SLC25A13: variants seen among roughly 807,000 people sequenced by gnomAD.
SLC25A13 encodes the protein solute carrier family 25 member 13.
A neutral mutation model predicts 85.5 loss-of-function variants in SLC25A13; 70 were observed. The ratio of observed to expected loss-of-function variants is 0.82; its 90% confidence interval spans 0.68 to 1.00. The LOEUF is 1.00. Ranked by LOEUF, SLC25A13 falls within the 50% of genes least tolerant of loss-of-function variation. SLC25A13 has a pLI of 0.00. For missense variants in SLC25A13, 765 were observed against 819.8 expected (o/e 0.93, Z 0.82); for synonymous variants, 259 against 288.7 (o/e 0.90, Z 1.04).
intron 4 of SLC25A13, among the ~76,000 whole-genome samples, chr7:96,214,305 C>T (rs1795805233): frequency 6.6e-6 from 1 of 151,976 alleles, no homozygotes; most frequent in Non-Finnish European, 1.5e-5. Flanking sequence ...CAGAAAAGTC[C>T]TAAGAAATCA....
chr7:96,290,724 G>A (rs1314733289), intron 2 of SLC25A13, among the ~76,000 whole-genome samples: 1 of 152,038 alleles, frequency 6.6e-6, no homozygotes, highest in African/African-American at 2.4e-5. Flanking sequence ...AACAAGAAGA[G>A]CTAACTATTC....
chr7:96,273,361 G>A (rs1197392700), intron 3 of SLC25A13, among the ~76,000 whole-genome samples: 2 of 152,216 alleles, frequency 1.3e-5, no homozygotes, highest in Non-Finnish European at 2.9e-5. Context: ...AGCCATTTGA[G>A]GTTGGGAAGG....
chr7:96,241,075 A>AAAGAAAGG (rs1796972779), intron 3 of SLC25A13, among the ~76,000 whole-genome samples: 1 of 150,118 alleles, frequency 6.7e-6, no homozygotes. Context: ...AGAAAGAAAG[A>AAAGAAAGG]AAGAAAGAAA....
chr7:96,297,782 A>G (rs972238927), intron 1 of SLC25A13, among the ~76,000 whole-genome samples: 1 of 152,220 alleles, frequency 6.6e-6, no homozygotes, highest in Non-Finnish European at 1.5e-5. Flanking sequence ...TCAGTTTTTA[A>G]TTAATAAATC....
rs368652284 is a variant in SLC25A13 at position 96,229,096 on chromosome 7, C to T, written c.328+5706G>A. On this transcript the variant is annotated intron_variant, in intron 4 of 17. Coordinates refer to ENST00000265631, the MANE Select transcript of SLC25A13 (RefSeq NM_014251.3). Reference sequence around the variant, plus strand: ...CCACCCAAGGGCTGAGGAGTGCAGGCGCATGGCGTGGGACTGATGGGCAGC... The same window carrying T: ...CCACCCAAGGGCTGAGGAGTGCAGGTGCATGGCGTGGGACTGATGGGCAGC... Among the ~76,000 whole-genome samples, 62 of 152,320 alleles carry T rather than the reference C, an allele frequency of 4.1e-4. No homozygotes were observed. In the East Asian group the frequency reaches 0.011, roughly 28 times the overall value.
At chr7:96,320,051 C>T (rs1192609602) in intron 1 of SLC25A13, among the ~76,000 whole-genome samples, 1 of 152,212 alleles carries the variant, frequency 6.6e-6, no homozygotes, top group Admixed American at 6.5e-5. Flanking sequence ...GTTGCCCAGA[C>T]TGGAGTGCAA....
At position 96,146,597 on chromosome 7, in the gene SLC25A13, G is replaced by A. The variant is rs1379185703; in HGVS notation, c.1411C>T (p.Leu471=). ...AACCCCAGGTCCCGCACGACAGACA[G>A]AGCACTGACTCGAGGACCAGTGGTG... ...EITTGPRVSA[L]SVVRDLGFFG... is the part of the protein sequence containing the mutation. Residue 471 remains leucine (L), a synonymous_variant, in exon 14 of 18, where the codon CTG becomes TTG. Coordinates refer to ENST00000265631, the MANE Select transcript of SLC25A13 (RefSeq NM_014251.3). The A allele has an allele frequency of 4.3e-6, 7 of 1,613,502 alleles. No homozygotes were observed. The highest frequency in any genetic ancestry group is 5.1e-6 in the Non-Finnish European group (6 of 1,179,962).
intron 14 of SLC25A13, among the ~76,000 whole-genome samples, chr7:96,139,997 C>G (rs1340445798): frequency 1.7e-5 from 2 of 120,566 alleles, no homozygotes; most frequent in East Asian, 4.9e-4. Flanking sequence ...CTCGCTCTGT[C>G]GCCCAGGCTG....
chr7:96,212,046 G>A (rs933563273), intron 4 of SLC25A13, among the ~76,000 whole-genome samples: 1 of 152,160 alleles, frequency 6.6e-6, no homozygotes, highest in African/African-American at 2.4e-5. Context: ...AGGTAGAGAA[G>A]ACTCTCCAGA....
intron 4 of SLC25A13, among the ~76,000 whole-genome samples, chr7:96,212,547 G>A (rs1182576051): frequency 6.6e-6 from 1 of 152,190 alleles, no homozygotes; most frequent in Non-Finnish European, 1.5e-5. Context: ...CCTGAAAGGT[G>A]TCAAGGATTT....
intron 4 of SLC25A13, among the ~76,000 whole-genome samples, chr7:96,233,445 A>G (rs1796631552): frequency 6.6e-6 from 1 of 152,230 alleles, no homozygotes; most frequent in Admixed American, 6.5e-5. Context: ...GGATCTGTAA[A>G]TATTAAATAA....
chr7:96,234,263 C>CCA (rs1379475781), intron 4 of SLC25A13, among the ~76,000 whole-genome samples: 2 of 152,182 alleles, frequency 1.3e-5, no homozygotes, highest in Non-Finnish European at 2.9e-5. Flanking sequence ...ATAAAGAAGG[C>CCA]CACAGGAGAG....
chr7:96,311,851 T>C (rs1047947344), intron 1 of SLC25A13, among the ~76,000 whole-genome samples: 16 of 152,162 alleles, frequency 1.1e-4, no homozygotes, highest in African/African-American at 3.9e-4. Flanking sequence ...GACCTCTATG[T>C]TAAACAAACA....
At chr7:96,231,997 T>A (rs1293419280) in intron 4 of SLC25A13, among the ~76,000 whole-genome samples, 1 of 152,058 alleles carries the variant, frequency 6.6e-6, no homozygotes, top group East Asian at 1.9e-4. Context: ...GGAGTGTAAA[T>A]TAGTTCAACC....
In SLC25A13 at chr7:96,322,060, C is replaced by G; in HGVS notation, c.-104G>C. The G allele has an allele frequency of 1.4e-6, 2 of 1,437,064 alleles. No individual in the cohort carries two copies. The highest frequency in any genetic ancestry group is 9.4e-7 in the Non-Finnish European group (1 of 1,063,568). The allele number at this position is 1,437,064 out of a possible 1,614,324, so 89.0% of individuals were successfully genotyped here. ...GTCCCGGCGGCGGCGGCGGTGGGGG[C>G]GGCGATACGGCCAGGCAGCGTGCGT... On this transcript the variant is annotated 5_prime_UTR_variant, in exon 1 of 18. Transcript: ENST00000265631.
intron 3 of SLC25A13, among the ~76,000 whole-genome samples, chr7:96,265,220 T>C (rs1203881490): frequency 2.0e-5 from 3 of 152,208 alleles, no homozygotes; most frequent in Admixed American, 6.5e-5. Context: ...CTGTTACCCA[T>C]GCATAATTTT....
At chr7:96,271,214 C>T (rs1030928303) in intron 3 of SLC25A13, among the ~76,000 whole-genome samples, 1 of 152,066 alleles carries the variant, frequency 6.6e-6, no homozygotes, top group Non-Finnish European at 1.5e-5. Flanking sequence ...CCCGGGCTTT[C>T]GTAAAAATGC....
In SLC25A13 at chr7:96,314,738, A is replaced by G. The variant is rs1325642804; in HGVS notation, c.15+7204T>C. 2.0e-5 allele frequency among the ~76,000 whole-genome samples: 3 copies of G among 152,346 alleles called. No individual in the cohort carries two copies. The East Asian group carries it at 5.8e-4, about 29-fold the overall frequency. On this transcript the variant is annotated intron_variant, in intron 1 of 17. Transcript: ENST00000265631. ...AAAAGCAGAGACTGGTCATGGGACT[A>G]AAGGTCTAAGAGACCAAAGCACAGA...
chr7:96,320,509 T>A (rs1436199455), intron 1 of SLC25A13, among the ~76,000 whole-genome samples: 1 of 152,198 alleles, frequency 6.6e-6, no homozygotes, highest in African/African-American at 2.4e-5. Flanking sequence ...CTTGGTTGCA[T>A]GCAAATTTAA....
Sources: allele counts gnomAD v4.1 joint callset (sites outside exome capture counted in the v4.1 genomes callset), GRCh38; gene constraint gnomAD v4.1.1; transcripts MANE v1.5; gene names NCBI Gene and HGNC (gene_info 2026-07-23, HGNC 2026-07-21).